SYNPO2: variants seen among roughly 807,000 people sequenced by gnomAD.
SYNPO2 encodes synaptopodin 2.
Under a neutral mutation model 85.0 loss-of-function variants are expected in SYNPO2, and 56 were observed. That is an observed-to-expected ratio of 0.66 (90% CI 0.53 to 0.82). The LOEUF is 0.82. Ranked by LOEUF, SYNPO2 falls within the 40% of genes least tolerant of loss-of-function variation. The pLI is 0.00. For synonymous variants in SYNPO2, 602 were observed against 591.1 expected (o/e 1.02, Z -0.27); for missense variants, 1,575 against 1,534.2 (o/e 1.03, Z -0.44).
intron 4 of SYNPO2, among the ~76,000 whole-genome samples, chr4:119,054,326 C>T (rs547550622): frequency 5.9e-5 from 9 of 152,242 alleles, no homozygotes; most frequent in African/African-American, 1.4e-4. Flanking sequence ...TGTGGGGTGG[C>T]TGCCCTTCAT....
chr4:118,957,386 G>C (rs1461158637), intron 1 of SYNPO2, among the ~76,000 whole-genome samples: 1 of 152,180 alleles, frequency 6.6e-6, no homozygotes, highest in Non-Finnish European at 1.5e-5. Flanking sequence ...TGGCCAGTAT[G>C]ACCTACTGTG....
intron 1 of SYNPO2, among the ~76,000 whole-genome samples, chr4:118,941,451 C>T (rs1391214007): frequency 6.6e-6 from 1 of 152,182 alleles, no homozygotes; most frequent in African/African-American, 2.4e-5. Flanking sequence ...CCACCTGAAT[C>T]AAATATTTAA....
At chr4:119,049,883 C>T (rs940338536) in intron 4 of SYNPO2, among the ~76,000 whole-genome samples, 1 of 152,202 alleles carries the variant, frequency 6.6e-6, no homozygotes, top group Non-Finnish European at 1.5e-5. Context: ...GCACTGTATT[C>T]CCTACGGCCC....
rs746835891 is a variant in SYNPO2, at chr4:119,031,040, C to T, written c.2265C>T (p.Thr755=). The T allele has an allele frequency of 1.9e-6, 3 of 1,613,992 alleles. No individual in the cohort carries two copies. Among genetic ancestry groups the T allele is most frequent in the Non-Finnish European group, 2.5e-6 (3 of 1,179,998 alleles). The change falls in exon 4 of 5, where the codon ACC becomes ACT. Residue 755 remains threonine, a synonymous_variant. Coordinates refer to ENST00000307142, the MANE Select transcript of SYNPO2 (RefSeq NM_133477.3). ...AAAGCTCCTCTGCCAAACAAAAGAC[C>T]CCTCCTCCTGTTGCTCCAAAACCTG... is the stretch of plus-strand genomic sequence containing the variant. The part of the protein sequence containing the change: ...FMQSSSAKQK[T]PPPVAPKPAV...
chr4:118,912,015 C>G (rs1744600751), intron 1 of SYNPO2, among the ~76,000 whole-genome samples: 1 of 152,122 alleles, frequency 6.6e-6, no homozygotes, highest in Non-Finnish European at 1.5e-5. Flanking sequence ...CTCATAAAAT[C>G]TTAGAATTTG....
intron 1 of SYNPO2, among the ~76,000 whole-genome samples, chr4:118,870,391 G>A (rs1731780788): frequency 6.6e-6 from 1 of 152,230 alleles, no homozygotes; most frequent in Non-Finnish European, 1.5e-5. Flanking sequence ...ATGTCAGGCA[G>A]TTGTTTAAAA....
At chr4:118,918,933 T>A (rs1038430768) in intron 1 of SYNPO2, among the ~76,000 whole-genome samples, 3 of 152,230 alleles carry the variant, frequency 2.0e-5, no homozygotes, top group South Asian at 2.1e-4. Context: ...AAAATGTTTT[T>A]AAAAATATTA....
At chr4:118,850,690 T>A (rs1172137103) in exon 1 of SYNPO2, 1 of 398,584 alleles carries the variant, frequency 2.5e-6, no homozygotes, top group Admixed American at 4.4e-5. Context: ...CACTTTCAAT[T>A]TGTTGCCTTC....
chr4:118,973,319 T>C lies in SYNPO2; in HGVS notation c.106-50111T>C, dbSNP rs141536797. Among the ~76,000 whole-genome samples, 336 of 152,232 alleles carry C rather than the reference T, an allele frequency of 2.2e-3. 7 individuals carry two copies. The highest frequency in any genetic ancestry group is 9.1e-3 in the East Asian group (47 of 5,180). On this transcript the variant is annotated intron_variant, in intron 1 of 4. Transcript: ENST00000307142. ...AGCATTTTAAAAAGTAGTTTTATTA[T>C]ACATATATACGTATAATGATTCTAG...
chr4:118,881,094 A>G (rs546105868), intron 1 of SYNPO2, among the ~76,000 whole-genome samples: 57 of 152,180 alleles, frequency 3.7e-4, no homozygotes, highest in African/African-American at 1.3e-3. Context: ...CAAGGTCAGG[A>G]GATCCAGACC....
intron 1 of SYNPO2, among the ~76,000 whole-genome samples, chr4:118,995,579 C>G (rs1402076431): frequency 1.3e-5 from 2 of 152,152 alleles, no homozygotes; most frequent in Non-Finnish European, 2.9e-5. Flanking sequence ...TTGTCTGATT[C>G]CACAGGCTTT....
intron 1 of SYNPO2, among the ~76,000 whole-genome samples, chr4:118,894,840 A>C (rs1258985567): frequency 6.6e-6 from 1 of 151,302 alleles, no homozygotes; most frequent in Non-Finnish European, 1.5e-5. Context: ...CACATTTTAA[A>C]AAAAAAAAAA....
intron 3 of SYNPO2, among the ~76,000 whole-genome samples, chr4:119,028,819 T>C (rs1738089318): frequency 6.6e-6 from 1 of 151,984 alleles, no homozygotes; most frequent in African/African-American, 2.4e-5. Flanking sequence ...ATTAAAAAAT[T>C]TAGGGGACTC....
Position 119,031,669 on chromosome 4 carries a change from T to C in SYNPO2, c.2894T>C (p.Met965Thr). ...AAACCCCTCAATGCATTAGATGTCA[T>C]GAAGCACCAACCGTATCAGCTCAAT... ...GKKPLNALDV[M>T]KHQPYQLNAS... is the part of the protein sequence containing the mutation. Residue 965 changes from methionine to threonine, a missense_variant, in exon 4 of 5, where the codon ATG becomes ACG. By Grantham distance (81) the Met-to-Thr change is moderately conservative. This residue lies in a region of SYNPO2 where 1,508 missense variants were observed against 1,446.8 expected (regional missense o/e 1.04). Transcript: ENST00000307142. 1 of 1,614,168 alleles carries C rather than the reference T, an allele frequency of 6.2e-7. No individual in the cohort carries two copies. Among genetic ancestry groups the C allele is most frequent in the Non-Finnish European group, 8.5e-7 (1 of 1,180,012 alleles).
chr4:118,917,172 G>A (rs762814542), intron 1 of SYNPO2, among the ~76,000 whole-genome samples: 7 of 152,110 alleles, frequency 4.6e-5, no homozygotes, highest in Non-Finnish European at 7.4e-5. Context: ...CGGGTGGATC[G>A]CCTGACGTCA....
At position 119,007,265 on chromosome 4, in the gene SYNPO2, T is replaced by TGTATATACATATATATGTATATAC. The variant is rs1409260554; in HGVS notation, c.106-16165_106-16164insGTATATACATATATATGTATATAC. 4.4e-4 allele frequency among the ~76,000 whole-genome samples: 39 copies of TGTATATACATATATATGTATATAC among 89,258 alleles called. 5 individuals carry two copies. The highest frequency in any genetic ancestry group is 2.5e-3 in the South Asian group (8 of 3,150). 58.6% of individuals were successfully genotyped at this position (89,258 alleles called of 152,430 possible). ...ATATATGTATATACATATATATATA[T>TGTATATACATATATATGTATATAC]ATATATATATGTATATACATATATA... On this transcript the variant is annotated intron_variant, in intron 1 of 4. Transcript: ENST00000307142.
chr4:118,977,856 G>A (rs1735852714), intron 1 of SYNPO2, among the ~76,000 whole-genome samples: 1 of 152,186 alleles, frequency 6.6e-6, no homozygotes, highest in Non-Finnish European at 1.5e-5. Flanking sequence ...CAACCCTGTA[G>A]GTTTATGGCA....
chr4:118,991,444 G>A (rs1164512089), intron 1 of SYNPO2, among the ~76,000 whole-genome samples: 10 of 152,084 alleles, frequency 6.6e-5, no homozygotes, highest in East Asian at 1.9e-4. Context: ...CACCGCACCC[G>A]GCCTGTTTTT....
chr4:118,988,190 T>G (rs975204), intron 1 of SYNPO2, among the ~76,000 whole-genome samples: 129,390 of 152,164 alleles, frequency 0.85, 55,194 homozygotes, highest in South Asian at 0.93. Flanking sequence ...TTGCCAGTAC[T>G]TCTAACATTA....
Sources: gnomAD v4.1 joint callset for allele counts (sites outside exome capture counted in the v4.1 genomes callset) on GRCh38, gnomAD v4.1.1 for gene constraint, gnomAD v4.1.1 regional missense constraint, MANE v1.5 for transcripts, NCBI Gene and HGNC (gene_info 2026-07-23, HGNC 2026-07-21) for gene names.